Variants in LSAMP observed in about 807,000 individuals in gnomAD.
LSAMP encodes the protein limbic system-associated membrane protein.
A neutral mutation model predicts 38.6 loss-of-function variants in LSAMP; 7 were observed. That is an observed-to-expected ratio of 0.18 (90% CI 0.10 to 0.34). The LOEUF is 0.34. LSAMP is among the 10% of genes least tolerant of loss of function. The pLI is 1.00. For synonymous variants in LSAMP, 154 were observed against 166.8 expected (o/e 0.92, Z 0.59); for missense variants, 313 against 420.0 (o/e 0.75, Z 2.23).
intron 1 of LSAMP, among the ~76,000 whole-genome samples, chr3:116,113,032 ATAAG>A (rs1358426581): frequency 3.3e-5 from 5 of 152,090 alleles, no homozygotes; most frequent in East Asian, 1.9e-4. Context: ...ACAACAAATA[ATAAG>A]TAAGGAAAGC....
intron 2 of LSAMP, among the ~76,000 whole-genome samples, chr3:116,029,336 T>G (rs984609565): frequency 6.6e-6 from 1 of 152,128 alleles, no homozygotes; most frequent in Non-Finnish European, 1.5e-5. Context: ...GGAACATGAT[T>G]TCATTTAGAC....
At chr3:116,003,517 T>A (rs1348601572) in intron 3 of LSAMP, among the ~76,000 whole-genome samples, 1 of 152,174 alleles carries the variant, frequency 6.6e-6, no homozygotes, top group Non-Finnish European at 1.5e-5. Flanking sequence ...TGTAGTAGGT[T>A]GAATAGTGGT....
chr3:116,384,020 T>G (rs115265421), intron 1 of LSAMP, among the ~76,000 whole-genome samples: 9 of 152,098 alleles, frequency 5.9e-5, no homozygotes, highest in Non-Finnish European at 1.0e-4. Context: ...GACCAAGCCA[T>G]GTAAAGGGAC....
intron 4 of LSAMP, among the ~76,000 whole-genome samples, chr3:115,842,988 T>C (rs187540932): frequency 8.5e-5 from 13 of 152,358 alleles, no homozygotes; most frequent in Non-Finnish European, 2.9e-5. Flanking sequence ...CTTTTTCTTC[T>C]TGTCATTATA....
At chr3:116,394,925 G>A (rs2048749322) in intron 1 of LSAMP, among the ~76,000 whole-genome samples, 1 of 152,116 alleles carries the variant, frequency 6.6e-6, no homozygotes, top group African/African-American at 2.4e-5. Context: ...CGATGATTTA[G>A]CAAAGAGATT....
intron 1 of LSAMP, among the ~76,000 whole-genome samples, chr3:116,269,184 G>GAAAGA (rs2107667809): frequency 6.6e-6 from 1 of 152,176 alleles, no homozygotes; most frequent in African/African-American, 2.4e-5. Flanking sequence ...AGAGATAAGT[G>GAAAGA]AAAGAATTTA....
At chr3:116,300,292 CA>C (rs2047388503) in intron 1 of LSAMP, among the ~76,000 whole-genome samples, 5 of 152,142 alleles carry the variant, frequency 3.3e-5, no homozygotes, top group Non-Finnish European at 7.3e-5. Flanking sequence ...TAACAGACAG[CA>C]AAAAATAAGA....
At chr3:116,162,760 CACACTTAT>C (rs1709928028) in intron 1 of LSAMP, among the ~76,000 whole-genome samples, 1 of 65,252 alleles carries the variant, frequency 1.5e-5, no homozygotes, top group African/African-American at 4.6e-5. Context: ...ATCGTATACA[CACACTTAT>C]ACACACACAC....
At chr3:116,040,715 A>G (rs1576326263) in intron 2 of LSAMP, among the ~76,000 whole-genome samples, 1 of 152,174 alleles carries the variant, frequency 6.6e-6, no homozygotes, top group Admixed American at 6.5e-5. Context: ...AAGTGGCTAG[A>G]GTAAATGAGG....
At chr3:116,116,900 A>T (rs981690490) in intron 1 of LSAMP, among the ~76,000 whole-genome samples, 2 of 152,106 alleles carry the variant, frequency 1.3e-5, no homozygotes, top group African/African-American at 4.8e-5. Flanking sequence ...AAGCTTCCAG[A>T]CAAGTGAGTG....
chr3:116,263,536 T>G (rs1224869465), intron 1 of LSAMP, among the ~76,000 whole-genome samples: 1 of 127,520 alleles, frequency 7.8e-6, no homozygotes, highest in Non-Finnish European at 1.6e-5. Flanking sequence ...AGACTTTGTC[T>G]CAAAAAAAAA....
At chr3:116,091,613 C>T (rs1559739233) in intron 1 of LSAMP, among the ~76,000 whole-genome samples, 2 of 152,178 alleles carry the variant, frequency 1.3e-5, no homozygotes, top group South Asian at 2.1e-4. Flanking sequence ...TGGCTTCAGC[C>T]GGTCCCTCCG....
chr3:115,989,757 T>C (rs1939614613), intron 3 of LSAMP, among the ~76,000 whole-genome samples: 1 of 152,138 alleles, frequency 6.6e-6, no homozygotes, highest in South Asian at 2.1e-4. Flanking sequence ...TTCTTAGATG[T>C]AGACTAGACT....
chr3:116,270,648 T>G (rs2046958753), intron 1 of LSAMP, among the ~76,000 whole-genome samples: 1 of 152,102 alleles, frequency 6.6e-6, no homozygotes, highest in South Asian at 2.1e-4. Context: ...TGGACAACTG[T>G]GAACTGCCCA....
chr3:116,284,722 T>C (rs2047171704), intron 1 of LSAMP, among the ~76,000 whole-genome samples: 1 of 152,192 alleles, frequency 6.6e-6, no homozygotes. Context: ...GGAAATCACT[T>C]CTATCTCATG....
rs1559752844 is a variant in LSAMP at position 116,126,960 on chromosome 3, C to CT, written c.156-40405dup. On this transcript the variant is annotated intron_variant, in intron 1 of 6. Coordinates refer to ENST00000490035, the MANE Select transcript of LSAMP (RefSeq NM_002338.5). ...CATGCTATTTATCTGGTTCCTAACT[C>CT]TTTTTTGCTCTGAAAATCTTTAAGG... Among the ~76,000 whole-genome samples the CT allele has an allele frequency of 2.0e-5, 3 of 152,156 alleles. No individual in the cohort carries two copies. The South Asian group carries it at 6.2e-4, about 32-fold the overall frequency.
At chr3:116,231,279 C>G (rs2046399864) in intron 1 of LSAMP, among the ~76,000 whole-genome samples, 1 of 152,148 alleles carries the variant, frequency 6.6e-6, no homozygotes, top group Non-Finnish European at 1.5e-5. Flanking sequence ...CTCACATATT[C>G]AATCATTGAT....
intron 3 of LSAMP, among the ~76,000 whole-genome samples, chr3:116,008,655 G>A (rs537017215): frequency 6.6e-6 from 1 of 152,006 alleles, no homozygotes; most frequent in East Asian, 1.9e-4. Context: ...CAATGACAAA[G>A]TATTATAACC....
intron 2 of LSAMP, among the ~76,000 whole-genome samples, chr3:116,060,943 A>G (rs1476140966): frequency 6.6e-6 from 1 of 151,736 alleles, no homozygotes; most frequent in Non-Finnish European, 1.5e-5. Flanking sequence ...AAATATAAAT[A>G]AATAAAATTA....
Sources: allele counts gnomAD v4.1 joint callset (sites outside exome capture counted in the v4.1 genomes callset), GRCh38; gene constraint gnomAD v4.1.1; transcripts MANE v1.5; gene names NCBI Gene and HGNC (gene_info 2026-07-23, HGNC 2026-07-21).